FAM184A: variants seen among roughly 807,000 people sequenced by gnomAD.
FAM184A encodes the protein family with sequence similarity 184 member A.
A neutral mutation model predicts 143.8 loss-of-function variants in FAM184A; 99 were observed. That is an observed-to-expected ratio of 0.69 (90% confidence interval 0.58 to 0.81). The LOEUF is 0.81. FAM184A is among the 40% of genes least tolerant of loss of function. The pLI is 0.00. For missense variants in FAM184A, 1,217 were observed against 1,310.5 expected (o/e 0.93, Z 1.10); for synonymous variants, 427 against 446.4 (o/e 0.96, Z 0.55).
At chr6:119,121,185 G>T (rs1353487603) in intron 1 of FAM184A, among the ~76,000 whole-genome samples, 1 of 152,114 alleles carries the variant, frequency 6.6e-6, no homozygotes, top group Non-Finnish European at 1.5e-5. Flanking sequence ...AGGCTGGAGT[G>T]CAGTGGCAAG....
Position 119,020,038 on chromosome 6 carries a change from C to CA in FAM184A, c.1271dup (p.Leu424PhefsTer10), listed in dbSNP as rs1785389146. ...CATCCAGACTTTGGGTTTTGCTTCG[C>CA]AAAAAAGCTCTTTCCTCTTCAAGTT... On this transcript the variant is annotated frameshift_variant, in exon 4 of 18. Coordinates refer to ENST00000338891, the MANE Select transcript of FAM184A (RefSeq NM_024581.6). LOFTEE classifies it high-confidence loss of function. 21 of 1,605,010 alleles carry CA rather than the reference C, an allele frequency of 1.3e-5. No homozygotes were observed. Among genetic ancestry groups the CA allele is most frequent in the African/African-American group, 2.7e-5 (2 of 74,254 alleles).
intron 14 of FAM184A, among the ~76,000 whole-genome samples, chr6:118,971,054 A>G (rs1410366927): frequency 6.6e-6 from 1 of 152,216 alleles, no homozygotes; most frequent in East Asian, 1.9e-4. Flanking sequence ...CTTTGATTTT[A>G]TAAAGATGAA....
At chr6:119,109,533 G>A (rs1196441586) in intron 1 of FAM184A, among the ~76,000 whole-genome samples, 4 of 152,138 alleles carry the variant, frequency 2.6e-5, no homozygotes, top group Non-Finnish European at 4.4e-5. Flanking sequence ...GTCACTGGAT[G>A]AATACTTTAG....
At chr6:119,072,958 T>G (rs1176563052) in intron 1 of FAM184A, among the ~76,000 whole-genome samples, 1 of 152,116 alleles carries the variant, frequency 6.6e-6, no homozygotes, top group East Asian at 1.9e-4. Context: ...ACCACCATCT[T>G]CTTCAGTAAA....
At chr6:119,115,970 AACACACACACACACAC>A (rs66707302) in intron 1 of FAM184A, among the ~76,000 whole-genome samples, 3 of 137,294 alleles carry the variant, frequency 2.2e-5, no homozygotes, top group Non-Finnish European at 4.8e-5. Context: ...CTCCGTCTCA[AACACACACACACACAC>A]ACACACACAC....
chr6:118,980,209 G>T lies in FAM184A; in HGVS notation c.2230C>A (p.His744Asn), dbSNP rs77196341. ...EELEEQHQQRHKSLKEAHVLA... is the reference protein window; with the variant it reads ...EELEEQHQQRNKSLKEAHVLA... The stretch of plus-strand genomic sequence containing the variant: ...ACATGTGCTTCTTTTAATGATTTGT[G>T]TCTTTGCTGATGTTGCTCCTCTAAT... The change falls in exon 10 of 18, where the codon CAC (histidine) becomes AAC (asparagine). Residue 744 changes from histidine to asparagine, a missense_variant. His to Asn is a moderately conservative substitution (Grantham distance 68). Transcript: ENST00000338891. 6.2e-7 allele frequency: 1 copy of T among 1,614,050 alleles called. No individual in the cohort carries two copies. The highest frequency in any genetic ancestry group is 2.2e-5 in the East Asian group (1 of 44,878).
At chr6:119,082,189 C>T (rs1169888895), upstream of FAM184A, among the ~76,000 whole-genome samples, 2 of 152,206 alleles carry the variant, frequency 1.3e-5, no homozygotes, top group Non-Finnish European at 2.9e-5. Context: ...CCCTTCCCTT[C>T]CCAGCACTTT....
chr6:119,115,744 C>T (rs1039271500), intron 1 of FAM184A, among the ~76,000 whole-genome samples: 13 of 151,488 alleles, frequency 8.6e-5, no homozygotes, highest in Non-Finnish European at 1.8e-4. Flanking sequence ...AGGTGGATCA[C>T]CTGAGGTCAG....
At chr6:118,980,438 T>C in intron 9 of FAM184A, 88 bp from the exon 10 acceptor site, 8 of 930,280 alleles carry the variant, frequency 8.6e-6, no homozygotes, top group Non-Finnish European at 1.2e-5. Flanking sequence ...ATTTCAAAGA[T>C]ATTAATGATA....
chr6:119,131,390 C>A (rs1457825907), intron 1 of FAM184A, among the ~76,000 whole-genome samples: 1 of 152,122 alleles, frequency 6.6e-6, no homozygotes, highest in East Asian at 1.9e-4. Flanking sequence ...AAGCTTTTAC[C>A]TGAGGCATCT....
intron 1 of FAM184A, among the ~76,000 whole-genome samples, chr6:119,139,788 C>T (rs572584762): frequency 6.6e-5 from 10 of 152,156 alleles, no homozygotes; most frequent in Non-Finnish European, 1.3e-4. Flanking sequence ...GAAAAAGAAG[C>T]AAAGGGTTGT....
At chr6:118,993,889 A>G (rs1355181808) in intron 9 of FAM184A, among the ~76,000 whole-genome samples, 1 of 152,174 alleles carries the variant, frequency 6.6e-6, no homozygotes, top group African/African-American at 2.4e-5. Flanking sequence ...GCCCTTCAAC[A>G]GTTCACTGCT....
upstream of FAM184A, among the ~76,000 whole-genome samples, chr6:119,081,093 G>C (rs1788049423): frequency 1.3e-5 from 2 of 152,160 alleles, no homozygotes; most frequent in Admixed American, 1.3e-4. Context: ...CAAGTGAATG[G>C]TGCTAACCCA....
At chr6:119,064,719 C>T (rs988391843) in intron 1 of FAM184A, among the ~76,000 whole-genome samples, 5 of 152,070 alleles carry the variant, frequency 3.3e-5, no homozygotes, top group Admixed American at 3.3e-4. Context: ...AAAACAACAA[C>T]AAAAAACTGA....
chr6:118,970,855 C>A (rs1783675099), intron 14 of FAM184A, among the ~76,000 whole-genome samples: 1 of 152,154 alleles, frequency 6.6e-6, no homozygotes, highest in Admixed American at 6.5e-5. Flanking sequence ...AGGTCAATGT[C>A]TGTGATTCAT....
intron 12 of FAM184A, among the ~76,000 whole-genome samples, 171 bp downstream of exon 12, chr6:118,975,746 C>T (rs1420868516): frequency 2.0e-5 from 3 of 152,122 alleles, no homozygotes; most frequent in Non-Finnish European, 4.4e-5. Context: ...AGTGACAAAG[C>T]GAGACCCTGT....
chr6:119,129,416 A>T (rs73767256), intron 1 of FAM184A, among the ~76,000 whole-genome samples: 2,496 of 152,236 alleles, frequency 0.016, 69 homozygotes, highest in African/African-American at 0.054. Flanking sequence ...GGCTTTCCTG[A>T]TCTTTTAGGG....
chr6:119,129,105 A>G (rs891631824), intron 1 of FAM184A, among the ~76,000 whole-genome samples: 2 of 152,140 alleles, frequency 1.3e-5, no homozygotes, highest in Non-Finnish European at 2.9e-5. Context: ...TCTACCTATA[A>G]CCTGGAAGCC....
chr6:119,032,073 A>G (rs1282910490), intron 1 of FAM184A, among the ~76,000 whole-genome samples: 1 of 152,110 alleles, frequency 6.6e-6, no homozygotes, highest in African/African-American at 2.4e-5. Context: ...GGAGTTCAAG[A>G]CCAGCCTGGC....
Sources: gnomAD v4.1 joint callset for allele counts (sites outside exome capture counted in the v4.1 genomes callset) on GRCh38, gnomAD v4.1.1 for gene constraint, MANE v1.5 for transcripts, NCBI Gene and HGNC (gene_info 2026-07-23, HGNC 2026-07-21) for gene names.